Variants in KLF8 observed in about 807,000 individuals in gnomAD.
KLF8 encodes the protein Krueppel-like factor 8.
KLF8 carries 10 observed loss-of-function variants against 18.2 expected under a neutral mutation model. The observed-to-expected ratio is 0.55, with a 90% confidence interval of 0.34 to 0.93. KLF8 has a LOEUF of 0.93. Ranked by LOEUF, KLF8 falls within the 40% of genes least tolerant of loss-of-function variation. The pLI, the probability that KLF8 is intolerant of heterozygous loss-of-function variation, is 0.02. For missense variants in KLF8, 264 were observed against 277.9 expected, an observed-to-expected ratio of 0.95 and a Z score of 0.36; for synonymous variants, 109 against 97.3, an observed-to-expected ratio of 1.12 and a Z score of -0.71.
chrX:56,057,130 T>A, the KLF8 span, among the ~76,000 whole-genome samples: 3 of 111,582 alleles, frequency 2.7e-5, no homozygotes, highest in Non-Finnish European at 5.6e-5. Flanking sequence ...AGGTTCATGA[T>A]GGTGGTGGTG....
At chrX:56,162,328 T>A in the KLF8 span, among the ~76,000 whole-genome samples, 2 of 111,964 alleles carry the variant, frequency 1.8e-5, no homozygotes, top group South Asian at 3.7e-4. Context: ...TCTGCAGAGT[T>A]TTCTGCTGCC....
the KLF8 span, among the ~76,000 whole-genome samples, chrX:56,075,223 T>C: frequency 3.6e-5 from 4 of 111,421 alleles, no homozygotes; most frequent in Admixed American, 3.8e-4. Flanking sequence ...AATTATTTTA[T>C]TAATTTTAAT....
the KLF8 span, among the ~76,000 whole-genome samples, chrX:56,030,917 TA>T: frequency 2.7e-5 from 3 of 110,018 alleles, no homozygotes; most frequent in East Asian, 8.7e-4. Flanking sequence ...GTGGGGGATC[TA>T]AAACTAGCTG....
At chrX:56,171,095 A>G in the KLF8 span, among the ~76,000 whole-genome samples, 1 of 112,046 alleles carries the variant, frequency 8.9e-6, no homozygotes, top group Non-Finnish European at 1.9e-5. Flanking sequence ...CTCACTGAGA[A>G]TAGTAAGTCT....
intron 5 of KLF8, among the ~76,000 whole-genome samples, chrX:56,276,379 A>G (rs1166471311): frequency 9.0e-6 from 1 of 111,576 alleles, no homozygotes; most frequent in Non-Finnish European, 1.9e-5. Context: ...TTGCTCATTA[A>G]TGTCCTTTTC....
chrX:55,992,852 T>C, the KLF8 span, among the ~76,000 whole-genome samples: 95 of 111,700 alleles, frequency 8.5e-4, no homozygotes, highest in African/African-American at 3.0e-3. Flanking sequence ...TTTATTGTTT[T>C]TGTGGCTATT....
chrX:56,079,057 C>T, the KLF8 span, among the ~76,000 whole-genome samples: 119 of 111,012 alleles, frequency 1.1e-3, no homozygotes, highest in African/African-American at 3.4e-3. Context: ...GTCTTGCTAG[C>T]GGTCTATCAA....
At chrX:56,070,370 C>G in the KLF8 span, among the ~76,000 whole-genome samples, 2 of 111,313 alleles carry the variant, frequency 1.8e-5, no homozygotes, top group African/African-American at 6.5e-5. Flanking sequence ...ACCTATGTAA[C>G]AAACCTGCAC....
At chrX:56,182,136 A>G in the KLF8 span, among the ~76,000 whole-genome samples, 78 of 111,278 alleles carry the variant, frequency 7.0e-4, 1 homozygote, top group Non-Finnish European at 1.3e-3. Flanking sequence ...ATAGTCCTAT[A>G]TTTGTTGGAG....
the KLF8 span, among the ~76,000 whole-genome samples, chrX:56,056,510 G>A: frequency 9.4e-6 from 1 of 106,846 alleles, no homozygotes; most frequent in African/African-American, 3.4e-5. Flanking sequence ...GGACATGGAT[G>A]AAACTGGAAA....
chrX:56,233,231 G>C lies in KLF8; in HGVS notation c.-104G>C. ...CGTCGCCCTGCGCTATGTCAGAATG[G>C]GGCGGGTGTGAGGGGAACAGCTCTC... On this transcript the variant is annotated 5_prime_UTR_variant, in exon 1 of 6. Coordinates refer to ENST00000468660, the MANE Select transcript of KLF8 (RefSeq NM_007250.5). The C allele has an allele frequency of 2.0e-6, 2 of 982,493 alleles. No homozygotes were observed. Among genetic ancestry groups the C allele is most frequent in the Non-Finnish European group, 2.9e-6 (2 of 692,345 alleles). The allele number at this position is 982,493 out of a possible 1,213,427, so 81.0% of individuals were successfully genotyped here. A position where few individuals can be genotyped will look rare whatever the true frequency, so the allele number is the denominator to read the frequency against.
chrX:55,988,564 T>C, the KLF8 span, among the ~76,000 whole-genome samples: 12 of 111,583 alleles, frequency 1.1e-4, no homozygotes, highest in East Asian at 3.1e-3. Context: ...GGTCTATATC[T>C]CTGTTTTGGT....
At chrX:55,925,819 T>C in the KLF8 span, among the ~76,000 whole-genome samples, 1 of 112,218 alleles carries the variant, frequency 8.9e-6, no homozygotes, top group East Asian at 2.8e-4. Context: ...CCTGCTAGAC[T>C]ATAAGTTCCA....
the KLF8 span, among the ~76,000 whole-genome samples, chrX:56,089,965 A>G: frequency 8.9e-6 from 1 of 111,969 alleles, no homozygotes; most frequent in Non-Finnish European, 1.9e-5. Flanking sequence ...TGCTGTCCAG[A>G]GAAACTATTT....
the KLF8 span, among the ~76,000 whole-genome samples, chrX:55,977,362 T>C: frequency 1.6e-4 from 18 of 112,185 alleles, no homozygotes; most frequent in Non-Finnish European, 3.4e-4. Flanking sequence ...CATTTAATTG[T>C]TCCTTGGAAT....
chrX:56,077,124 G>A, the KLF8 span, among the ~76,000 whole-genome samples: 2 of 111,897 alleles, frequency 1.8e-5, no homozygotes, highest in South Asian at 7.5e-4. Context: ...TTCTTTGGCT[G>A]TGCAGAAGCT....
chrX:56,023,806 C>T, the KLF8 span, among the ~76,000 whole-genome samples: 1 of 111,719 alleles, frequency 9.0e-6, no homozygotes, highest in Non-Finnish European at 1.9e-5. Context: ...AAAATCTCAA[C>T]TCTTAGCAGA....
the KLF8 span, among the ~76,000 whole-genome samples, chrX:56,175,373 G>A: frequency 8.9e-6 from 1 of 112,007 alleles, no homozygotes; most frequent in Admixed American, 9.5e-5. Flanking sequence ...TCATTCATGA[G>A]CAGGTTGCTC....
At chrX:55,949,408 A>C in the KLF8 span, among the ~76,000 whole-genome samples, 63 of 108,268 alleles carry the variant, frequency 5.8e-4, no homozygotes, top group South Asian at 0.026. Context: ...CAAGTTATAC[A>C]ACTTTCGTAG....
Sources: allele counts gnomAD v4.1 joint callset (sites outside exome capture counted in the v4.1 genomes callset), GRCh38; gene constraint gnomAD v4.1.1; transcripts MANE v1.5; gene names NCBI Gene and HGNC (gene_info 2026-07-23, HGNC 2026-07-21).